Variants in KIF13B observed in about 807,000 individuals in gnomAD.
KIF13B encodes kinesin family member 13B.
A neutral mutation model predicts 222.0 loss-of-function variants in KIF13B; 127 were observed. The ratio of observed to expected loss-of-function variants is 0.57; its 90% CI spans 0.50 to 0.66. KIF13B has a LOEUF of 0.66. Among genes scored for constraint, KIF13B ranks in the 30% least tolerant of loss-of-function variants. KIF13B has a pLI of 0.00. For missense variants in KIF13B, 2,173 were observed against 2,379.0 expected (o/e 0.91, Z 1.80); for synonymous variants, 976 against 919.0 (o/e 1.06, Z -1.12).
intron 34 of KIF13B, 116 bp downstream of exon 34, chr8:29,109,318 C>T (rs1809243932): frequency 3.2e-5 from 26 of 801,582 alleles, no homozygotes; most frequent in Non-Finnish European, 4.9e-5. Flanking sequence ...TGACATCAGT[C>T]CTGGCAAGGG....
intron 24 of KIF13B, 21 bp from the exon 25 acceptor site, chr8:29,127,289 A>C (rs2129789336): frequency 6.2e-7 from 1 of 1,607,154 alleles, no homozygotes; most frequent in Admixed American, 1.7e-5. Flanking sequence ...GACAATTTAG[A>C]GTCTTAAAAT....
At chr8:29,214,330 CTTCT>C (rs1312703323) in intron 2 of KIF13B, among the ~76,000 whole-genome samples, 13 of 152,314 alleles carry the variant, frequency 8.5e-5, no homozygotes, top group Admixed American at 3.3e-4. Flanking sequence ...ACAAAAATAT[CTTCT>C]TTCTTTATAT....
intron 10 of KIF13B, among the ~76,000 whole-genome samples, chr8:29,175,734 G>C (rs1222881578): frequency 6.6e-6 from 1 of 152,224 alleles, no homozygotes; most frequent in African/African-American, 2.4e-5. Context: ...CTGAGTGTGA[G>C]GCCAGCGGAG....
chr8:29,167,873 A>G (rs1812074791), intron 10 of KIF13B, among the ~76,000 whole-genome samples: 1 of 152,180 alleles, frequency 6.6e-6, no homozygotes, highest in Admixed American at 6.5e-5. Flanking sequence ...CATCTGCCCT[A>G]TTTTATAGGC....
intron 35 of KIF13B, among the ~76,000 whole-genome samples, chr8:29,106,869 A>G (rs577275107): frequency 1.3e-5 from 2 of 152,206 alleles, no homozygotes; most frequent in East Asian, 3.9e-4. Context: ...ACATCAGACC[A>G]TCTCATAAGA....
At chr8:29,251,952 T>C (rs1816301779) in intron 1 of KIF13B, among the ~76,000 whole-genome samples, 1 of 150,744 alleles carries the variant, frequency 6.6e-6, no homozygotes, top group Non-Finnish European at 1.5e-5. Flanking sequence ...TAATCAAGCT[T>C]TACAGTACTC....
intron 23 of KIF13B, 54 bp from the exon 24 acceptor site, chr8:29,130,719 C>T: frequency 6.5e-7 from 1 of 1,548,098 alleles, no homozygotes; most frequent in Non-Finnish European, 8.9e-7. Context: ...TCATTACAGG[C>T]AGCTTAGGGT....
At chr8:29,183,813 C>T (rs1418167933) in intron 6 of KIF13B, among the ~76,000 whole-genome samples, 1 of 152,064 alleles carries the variant, frequency 6.6e-6, no homozygotes, top group Non-Finnish European at 1.5e-5. Context: ...AGAGCGAGTG[C>T]TAGTAACTAA....
Position 29,196,193 on chromosome 8 carries a change from C to G in KIF13B, c.156G>C (p.Gln52His), listed in dbSNP as rs767555368. 5 of 1,565,048 alleles carry G rather than the reference C, an allele frequency of 3.2e-6. No individual in the cohort carries two copies. In the Admixed American group the frequency reaches 7.5e-5, roughly 24 times the overall value. The change falls in exon 3 of 40, where the codon CAG becomes CAC. Residue 52 changes from glutamine to histidine, a missense_variant. By Grantham distance (24) the Gln-to-His change is conservative. Around this residue, in one of 2 missense-constraint regions of KIF13B, gnomAD observed 1,480 missense variants for 1,722.8 expected, o/e 0.86. Transcript: ENST00000524189. Reference protein sequence around the residue: ...TNLSKGDARGQPKVFAYDHCF... With the variant: ...TNLSKGDARGHPKVFAYDHCF... ...AACAAACCAAATCTCTTACCTTCGG[C>G]TGGCCCCTGAGCTCCCAAAACAGAT...
intron 21 of KIF13B, among the ~76,000 whole-genome samples, chr8:29,137,536 T>C (rs1341998427): frequency 6.6e-6 from 1 of 152,198 alleles, no homozygotes; most frequent in African/African-American, 2.4e-5. Context: ...TATAGCCTTG[T>C]TACAAAAAAA....
intron 1 of KIF13B, among the ~76,000 whole-genome samples, chr8:29,260,263 G>A (rs185535520): frequency 1.2e-3 from 190 of 152,286 alleles, no homozygotes; most frequent in Admixed American, 0.012. Flanking sequence ...CACAACCACT[G>A]AATCACACAA....
intron 19 of KIF13B, among the ~76,000 whole-genome samples, chr8:29,141,501 T>C (rs1810816666): frequency 2.6e-5 from 4 of 152,170 alleles, no homozygotes; most frequent in Admixed American, 2.6e-4. Flanking sequence ...TCTGGAAAAA[T>C]CATTTTTACA....
chr8:29,247,892 C>T (rs890519601), intron 1 of KIF13B, among the ~76,000 whole-genome samples: 1 of 147,602 alleles, frequency 6.8e-6, no homozygotes, highest in Admixed American at 6.7e-5. Context: ...GGCAAAGGAT[C>T]TGAATATACG....
chr8:29,197,942 C>T lies in KIF13B; in HGVS notation c.150-1743G>A, dbSNP rs1361255153. Among the ~76,000 whole-genome samples the T allele has an allele frequency of 2.6e-5, 4 of 152,280 alleles. No individual in the cohort carries two copies. The East Asian group carries it at 7.7e-4, about 29-fold the overall frequency. ...TAATAATTGGCCCTTCTCAGAGGAT[C>T]AAAACTCAACTTTCAGGGCCTGAAA... is the stretch of plus-strand genomic sequence containing the variant. On this transcript the variant is annotated intron_variant, in intron 2 of 39. Coordinates refer to ENST00000524189, the MANE Select transcript of KIF13B (RefSeq NM_015254.4).
intron 1 of KIF13B, among the ~76,000 whole-genome samples, chr8:29,251,782 ATTT>A (rs1375701300): frequency 1.3e-5 from 2 of 152,232 alleles, no homozygotes; most frequent in African/African-American, 4.8e-5. Flanking sequence ...GTATTTCACA[ATTT>A]AAAATATAGC....
rs567556883 is a variant in KIF13B at position 29,195,120 on chromosome 8, T to TTTTGTA, written c.162+1066_162+1067insTACAAA. 3.2e-4 allele frequency among the ~76,000 whole-genome samples: 49 copies of TTTTGTA among 152,074 alleles called. 1 individual carries two copies. Among genetic ancestry groups the TTTTGTA allele is most frequent in the South Asian group, 2.7e-3 (13 of 4,814 alleles). ...AAACCCAGCTTGGTGTGGTGGTGGG[T>TTTTGTA]GCCTGTAATCCCAGCTACTTAGGAG... On this transcript the variant is annotated intron_variant, in intron 3 of 39. Coordinates refer to ENST00000524189, the MANE Select transcript of KIF13B (RefSeq NM_015254.4).
At chr8:29,206,400 G>T (rs1813942557) in intron 2 of KIF13B, among the ~76,000 whole-genome samples, 1 of 152,238 alleles carries the variant, frequency 6.6e-6, no homozygotes, top group Non-Finnish European at 1.5e-5. Flanking sequence ...AAGTCAGCCA[G>T]CAGGTTGAGA....
At chr8:29,222,872 A>G (rs952923886) in intron 2 of KIF13B, among the ~76,000 whole-genome samples, 8 of 152,230 alleles carry the variant, frequency 5.3e-5, no homozygotes, top group Admixed American at 1.3e-4. Context: ...TGACAAAGTA[A>G]TATTATGTGA....
intron 10 of KIF13B, among the ~76,000 whole-genome samples, chr8:29,172,673 T>C (rs1350421882): frequency 2.6e-5 from 4 of 152,196 alleles, no homozygotes; most frequent in Non-Finnish European, 5.9e-5. Context: ...AAGTCAGCGA[T>C]GATTCCAATC....
Sources: gnomAD v4.1 joint callset for allele counts (sites outside exome capture counted in the v4.1 genomes callset) on GRCh38, gnomAD v4.1.1 for gene constraint, gnomAD v4.1.1 regional missense constraint, MANE v1.5 for transcripts, NCBI Gene and HGNC (gene_info 2026-07-23, HGNC 2026-07-21) for gene names.